The following BIRC6 variants were observed in gnomAD, a reference collection of about 807,000 sequenced individuals.
BIRC6 encodes the protein baculoviral IAP repeat containing 6, also known as dual E2 ubiquitin-conjugating enzyme/E3 ubiquitin-protein ligase BIRC6.
A neutral mutation model predicts 503.3 loss-of-function variants in BIRC6; 98 were observed. That is an observed-to-expected ratio of 0.19 (90% CI 0.17 to 0.23). BIRC6 has a LOEUF of 0.23. BIRC6 is among the 10% of genes least tolerant of loss of function. BIRC6 has a pLI of 1.00. For missense variants in BIRC6, 5,360 were observed against 5,806.0 expected, an observed-to-expected ratio of 0.92 and a Z score of 2.50; for synonymous variants, 2,240 against 2,078.7, an observed-to-expected ratio of 1.08 and a Z score of -2.11.
At position 32,448,860 on chromosome 2, in the gene BIRC6, G is replaced by T. The variant is rs753288499; in HGVS notation, c.4550G>T (p.Cys1517Phe). Reference sequence around the variant, plus strand: ...GATTTGGAGATGAGTGGCTCTTCTTGTAAAAATGTTTATAACAGCAGCATT... The same window carrying T: ...GATTTGGAGATGAGTGGCTCTTCTTTTAAAAATGTTTATAACAGCAGCATT... ...LFDLEMSGSS[C>F]KNVYNSSIGV... The change falls in exon 22 of 74, where the codon TGT becomes TTT. Residue 1517 changes from cysteine (C) to phenylalanine (F), a missense_variant. Physicochemically the swap from Cys to Phe is radical, Grantham distance 205. Transcript: ENST00000421745. 1.9e-6 allele frequency: 3 copies of T among 1,613,422 alleles called. No individual in the cohort carries two copies. In the African/African-American group the frequency reaches 4.0e-5, roughly 22 times the overall value.
chr2:32,535,826 T>C (rs996530533), intron 61 of BIRC6, among the ~76,000 whole-genome samples: 24 of 152,352 alleles, frequency 1.6e-4, no homozygotes, highest in Non-Finnish European at 2.9e-4. Context: ...TACCCAGTAA[T>C]GGGATGGCTG....
In BIRC6 at chr2:32,618,034, T is replaced by A; in HGVS notation, c.*130T>A. On this transcript the variant is annotated 3_prime_UTR_variant, in exon 74 of 74. Transcript: ENST00000421745. ...AAACTATACTATGCCCTTAAGGAGA[T>A]CCAGTTTAATTCAAGGTGATCTTTT... 1.1e-6 allele frequency: 1 copy of A among 889,366 alleles called. No homozygotes were observed. The highest frequency in any genetic ancestry group is 2.9e-5 in the Admixed American group (1 of 33,956). The allele number at this position is 889,366 out of a possible 1,614,324, so 55.1% of individuals were successfully genotyped here. A position where few individuals can be genotyped will look rare whatever the true frequency, so the allele number is the denominator to read the frequency against.
chr2:32,578,146 C>T (rs757411721), intron 66 of BIRC6, among the ~76,000 whole-genome samples: 3 of 152,198 alleles, frequency 2.0e-5, no homozygotes, highest in Non-Finnish European at 4.4e-5. Flanking sequence ...AATGTTACTA[C>T]ATCTCTACTT....
chr2:32,481,299 A>G (rs772354798), intron 37 of BIRC6, 21 bp from the exon 38 acceptor site: 2 of 1,541,392 alleles, frequency 1.3e-6, no homozygotes, highest in Admixed American at 2.0e-5. Flanking sequence ...CACCAATAAG[A>G]TCACTTTTAA....
chr2:32,461,969 G>T (rs1378477798), intron 23 of BIRC6, among the ~76,000 whole-genome samples: 1 of 151,640 alleles, frequency 6.6e-6, no homozygotes, highest in African/African-American at 2.4e-5. Flanking sequence ...CTTCACATAC[G>T]CTTTGGTTCT....
chr2:32,384,984 C>G (rs927261082), intron 3 of BIRC6, among the ~76,000 whole-genome samples: 2 of 152,160 alleles, frequency 1.3e-5, no homozygotes, highest in African/African-American at 4.8e-5. Context: ...CTGTTTCTTC[C>G]AAGTGCCTGA....
At position 32,478,836 on chromosome 2, in the gene BIRC6, T is replaced by C. The variant is rs148524042; in HGVS notation, c.7252+18T>C. On this transcript the variant is annotated intron_variant, in intron 36 of 73. Transcript: ENST00000421745. ...TTTAGCAGGTGTGTTAGGATTTTTC[T>C]TCATAGAGTATGTCAAAATTACCTT... 1.9e-6 allele frequency: 3 copies of C among 1,608,678 alleles called. No individual in the cohort carries two copies. Among genetic ancestry groups the C allele is most frequent in the Non-Finnish European group, 2.5e-6 (3 of 1,177,648 alleles).
chr2:32,491,343 G>A (rs930541830), intron 43 of BIRC6, 82 bp from the exon 44 acceptor site: 2 of 1,327,840 alleles, frequency 1.5e-6, no homozygotes, highest in Admixed American at 2.8e-5. Context: ...ATTTTCCTTG[G>A]AACTAAAAGA....
At position 32,431,087 on chromosome 2, in the gene BIRC6, A is replaced by G. The variant is rs2147973187; in HGVS notation, c.3245A>G (p.Asp1082Gly). Residue 1082 changes from aspartate (D) to glycine (G), a missense_variant, in exon 12 of 74, where the codon GAC becomes GGC. By Grantham distance (94) the Asp-to-Gly change is moderately conservative (BLOSUM62 -1). Coordinates refer to ENST00000421745, the MANE Select transcript of BIRC6 (RefSeq NM_016252.4). ...QHTRTWKLQT[D>G]SNSWDEHVFE... ...ACTCGAACTTGGAAACTACAGACCG[A>G]CAGGTAAAAGATATTCCCAAGATAA... is the stretch of plus-strand genomic sequence containing the variant. 1 of 1,603,164 alleles carries G rather than the reference A, an allele frequency of 6.2e-7. No individual in the cohort carries two copies. The highest frequency in any genetic ancestry group is 1.7e-4 in the Middle Eastern group (1 of 6,044).
intron 71 of BIRC6, 96 bp from the exon 72 acceptor site, chr2:32,607,359 A>G (rs2062545217): frequency 1.2e-6 from 1 of 812,120 alleles, no homozygotes; most frequent in African/African-American, 1.7e-5. Flanking sequence ...TTGTGGAAAC[A>G]CATATTAAAG....
chr2:32,514,460 T>C (rs1404913892), intron 54 of BIRC6, among the ~76,000 whole-genome samples: 1 of 152,242 alleles, frequency 6.6e-6, no homozygotes, highest in African/African-American at 2.4e-5. Flanking sequence ...AGCTAACTAT[T>C]AAGTCTGCAG....
At chr2:32,548,835 AAGAAT>A (rs2150377775) in intron 64 of BIRC6, 1 of 152,402 alleles carries the variant, frequency 6.6e-6, no homozygotes, top group East Asian at 1.9e-4. Flanking sequence ...CAAGTTGGAC[AAGAAT>A]AGAAAGTCTT....
intron 22 of BIRC6, 133 bp from the exon 23 acceptor site, chr2:32,453,675 A>T: frequency 1.2e-6 from 1 of 801,298 alleles, no homozygotes; most frequent in Non-Finnish European, 1.9e-6. Context: ...CATGCCCATG[A>T]TTCAAGCACT....
rs758672647 is a variant in BIRC6, at chr2:32,433,713, C to G, written c.3318C>G (p.Phe1106Leu). ...PKACMVGHVD[F>L]KFVLNSNITN... ...CTTGTATGGTTGGACATGTGGACTT[C>G]AAATTCGTTTTGAACTCAAACATCA... The change falls in exon 13 of 74, where the codon TTC becomes TTG. Residue 1106 changes from phenylalanine to leucine, a missense_variant. Phe to Leu is a conservative substitution (Grantham distance 22). This residue lies in a region of BIRC6 where 2,299 missense variants were observed against 2,267.2 expected (regional missense o/e 1.01). Transcript: ENST00000421745. 1.3e-5 allele frequency: 21 copies of G among 1,606,262 alleles called. No individual in the cohort carries two copies. The highest frequency in any genetic ancestry group is 8.5e-7 in the Non-Finnish European group (1 of 1,174,572).
In BIRC6 at chr2:32,357,248, G is replaced by GGCGGCT. The variant is rs746777339; in HGVS notation, c.99_104dup (p.Ala35_Ala36dup). ...TTGTGCTGAGCGCAGGCCGGAAGAT[G>GGCGGCT]GCGGCTGCGGCTGCGGCGGCCTCGG... On this transcript the variant is annotated inframe_insertion, in exon 1 of 74. Transcript: ENST00000421745. The surrounding 1 kb of genome is among the most constrained non-coding windows in gnomAD (Gnocchi z 4.9). The GGCGGCT allele has an allele frequency of 7.2e-5, 110 of 1,524,344 alleles. No homozygotes were observed. Among genetic ancestry groups the GGCGGCT allele is most frequent in the Admixed American group, 1.1e-4 (5 of 47,272 alleles). 94.4% of individuals were successfully genotyped at this position (1,524,344 alleles called of 1,614,324 possible). A position where few individuals can be genotyped will look rare whatever the true frequency, so the allele number is the denominator to read the frequency against.
intron 8 of BIRC6, among the ~76,000 whole-genome samples, chr2:32,401,958 T>C (rs1453104408): frequency 6.6e-6 from 1 of 152,228 alleles, no homozygotes; most frequent in African/African-American, 2.4e-5. Context: ...CTGCTAAATC[T>C]TTTCATAGAG....
At chr2:32,612,157 C>G (rs528052043) in intron 73 of BIRC6, among the ~76,000 whole-genome samples, 1 of 152,182 alleles carries the variant, frequency 6.6e-6, no homozygotes, top group Admixed American at 6.5e-5. Flanking sequence ...CATGAGCAAC[C>G]GTGCCAGACT....
At position 32,543,372 on chromosome 2, in the gene BIRC6, A is replaced by G. The variant is rs1335660963; in HGVS notation, c.12423A>G (p.Pro4141=). The change falls in exon 62 of 74, where the codon CCA becomes CCG. Residue 4141 remains proline (P), a synonymous_variant. Coordinates refer to ENST00000421745, the MANE Select transcript of BIRC6 (RefSeq NM_016252.4). ...CAGAAACTGTTGCGGCTGAACCTCC[A>G]CCTATCAAGTCAGCAGTACAGACCA... ...EAPETVAAEP[P]PIKSAVQTMS... is the part of the protein sequence containing the mutation. 6.2e-7 allele frequency: 1 copy of G among 1,613,956 alleles called. No individual in the cohort carries two copies. Among genetic ancestry groups the G allele is most frequent in the Non-Finnish European group, 8.5e-7 (1 of 1,179,888 alleles).
In BIRC6 at chr2:32,386,677, C is replaced by T. The variant is rs751012217; in HGVS notation, c.646-2073C>T. Among the ~76,000 whole-genome samples, 7 of 152,064 alleles carry T rather than the reference C, an allele frequency of 4.6e-5. No individual in the cohort carries two copies. In the East Asian group the frequency reaches 9.6e-4, roughly 21 times the overall value. On this transcript the variant is annotated intron_variant, in intron 3 of 73. Transcript: ENST00000421745. ...ATGGTCTCAGACGTTTAGGCTCAAA[C>T]GAACCTCCATCCTCAGTCTCACAAA...
Sources: gnomAD v4.1 joint callset for allele counts (sites outside exome capture counted in the v4.1 genomes callset) on GRCh38, gnomAD v4.1.1 for gene constraint, gnomAD v4.1.1 regional missense constraint, Gnocchi (gnomAD v3.1) non-coding constraint, MANE v1.5 for transcripts, NCBI Gene and HGNC (gene_info 2026-07-23, HGNC 2026-07-21) for gene names.